UTRN: variants seen among roughly 807,000 people sequenced by gnomAD.
UTRN encodes the protein dystrophin-related protein 1.
UTRN carries 283 observed loss-of-function variants against 463.9 expected under a neutral mutation model. That is an observed-to-expected ratio of 0.61 (90% CI 0.55 to 0.67). The LOEUF (loss-of-function observed/expected upper bound fraction) is 0.67. Among genes scored for constraint, UTRN ranks in the 30% least tolerant of loss-of-function variants. The pLI, the probability that UTRN is intolerant of heterozygous loss-of-function variation, is 0.00. For missense variants in UTRN, 3,922 were observed against 4,084.3 expected (o/e 0.96, Z 1.08); for synonymous variants, 1,442 against 1,431.5 (o/e 1.01, Z -0.17).
In UTRN at chr6:144,823,650, T is replaced by C. The variant is rs552316363; in HGVS notation, c.9494+2632T>C. ...GAGTAAACAAATCCATGCTAAGGTT[T>C]ATTCGATTAATTTTATAACTATGCA... On this transcript the variant is annotated intron_variant, in intron 66 of 74. Transcript: ENST00000367545. Among the ~76,000 whole-genome samples, 33 of 152,284 alleles carry C rather than the reference T, an allele frequency of 2.2e-4. No homozygotes were observed. In the South Asian group the frequency reaches 6.8e-3, roughly 32 times the overall value.
chr6:144,370,135 G>A (rs1237823689), intron 2 of UTRN, among the ~76,000 whole-genome samples: 1 of 152,158 alleles, frequency 6.6e-6, no homozygotes, highest in Non-Finnish European at 1.5e-5. Flanking sequence ...GAACTTGGAG[G>A]GCTTCCCAGG....
At chr6:144,449,158 T>C (rs1333477421) in intron 17 of UTRN, among the ~76,000 whole-genome samples, 3 of 152,206 alleles carry the variant, frequency 2.0e-5, no homozygotes, top group African/African-American at 4.8e-5. Flanking sequence ...CAGTTTTTAT[T>C]GTCAGAAAGT....
chr6:144,529,956 C>G (rs940079723), intron 41 of UTRN, among the ~76,000 whole-genome samples: 1 of 152,138 alleles, frequency 6.6e-6, no homozygotes, highest in Admixed American at 6.5e-5. Context: ...ATAACAAGCA[C>G]TGGGTTTTAC....
At chr6:144,487,506 T>C (rs375283819) in intron 28 of UTRN, 42 bp from the exon 29 acceptor site, 1 of 1,547,144 alleles carries the variant, frequency 6.5e-7, no homozygotes, top group Non-Finnish European at 8.8e-7. Flanking sequence ...CCTTTTGCCT[T>C]AGTAAATGCA....
intron 50 of UTRN, among the ~76,000 whole-genome samples, chr6:144,557,562 A>G (rs1310071617): frequency 3.3e-5 from 5 of 152,066 alleles, no homozygotes; most frequent in Non-Finnish European, 5.9e-5. Context: ...AACCTTGCCA[A>G]TGATTATGTG....
At position 144,479,924 on chromosome 6, in the gene UTRN, A is replaced by G; in HGVS notation, c.3449A>G (p.Glu1150Gly). The G allele has an allele frequency of 1.9e-6, 3 of 1,614,164 alleles. No homozygotes were observed. In the East Asian group the frequency reaches 6.7e-5, roughly 36 times the overall value. Residue 1150 changes from glutamate (E) to glycine (G), a missense_variant, in exon 26 of 75, where the codon GAG (glutamate) becomes GGG (glycine). This residue lies in a region of UTRN where 2,349 missense variants were observed against 2,303.8 expected (regional missense o/e 1.02). Transcript: ENST00000367545. ...ACCCAGGCCGAGGAAGAATATTTGG[A>G]GCGGGATTTTGAGTACAAGTCACCA... ...WMTQAEEEYL[E>G]RDFEYKSPEE...
At chr6:144,635,530 C>CTTTTTTTTTTTTTTTTTTTTTTTTTTTTT (rs1562685915) in intron 51 of UTRN, among the ~76,000 whole-genome samples, 2 of 59,094 alleles carry the variant, frequency 3.4e-5, no homozygotes, top group Non-Finnish European at 6.6e-5. Context: ...TTTTTTTTTT[C>CTTTTTTTTTTTTTTTTTTTTTTTTTTTTT]TTTTCTTTTT....
intron 2 of UTRN, among the ~76,000 whole-genome samples, chr6:144,366,171 G>A (rs1394559323): frequency 2.0e-5 from 3 of 152,216 alleles, no homozygotes; most frequent in Non-Finnish European, 2.9e-5. Flanking sequence ...AAGCAGTACA[G>A]CTCATGTTTA....
chr6:144,356,575 C>T (rs546415044), intron 2 of UTRN, among the ~76,000 whole-genome samples: 13 of 152,226 alleles, frequency 8.5e-5, no homozygotes, highest in African/African-American at 2.6e-4. Flanking sequence ...CACTTTGGGA[C>T]GTTTAGGTGG....
chr6:144,421,695 AAATT>A (rs1240753208), intron 3 of UTRN, among the ~76,000 whole-genome samples, 179 bp from the exon 4 acceptor site: 1 of 150,440 alleles, frequency 6.6e-6, no homozygotes, highest in African/African-American at 2.5e-5. Flanking sequence ...TCTAAAAAAA[AAATT>A]AATTAATTAA....
chr6:144,744,630 T>TACAC (rs199802269), intron 54 of UTRN, among the ~76,000 whole-genome samples: 3 of 55,198 alleles, frequency 5.4e-5, no homozygotes, highest in South Asian at 7.7e-4. Context: ...CACACACACA[T>TACAC]ACACACACAC....
intron 65 of UTRN, among the ~76,000 whole-genome samples, chr6:144,817,168 T>C (rs1447854708): frequency 2.0e-5 from 3 of 152,144 alleles, no homozygotes; most frequent in African/African-American, 4.8e-5. Flanking sequence ...AAAAACCTGA[T>C]GATAATCTCC....
At chr6:144,453,370 C>G (rs1463054997) in intron 18 of UTRN, among the ~76,000 whole-genome samples, 3 of 152,080 alleles carry the variant, frequency 2.0e-5, no homozygotes, top group Non-Finnish European at 2.9e-5. Flanking sequence ...TGATCCACCC[C>G]CCTCAGCCTT....
In UTRN at chr6:144,341,084, A is replaced by G. The variant is rs1246532129; in HGVS notation, c.79+49177A>G. 2.0e-5 allele frequency among the ~76,000 whole-genome samples: 3 copies of G among 152,188 alleles called. No homozygotes were observed. The East Asian group carries it at 5.8e-4, about 29-fold the overall frequency. On this transcript the variant is annotated intron_variant, in intron 2 of 74. Coordinates refer to ENST00000367545, the MANE Select transcript of UTRN (RefSeq NM_007124.3). ...ATGAATGTTTTAGAAGTTTCCCACT[A>G]TGGAAAGTTCTATTTGACATATGAA...
intron 52 of UTRN, among the ~76,000 whole-genome samples, chr6:144,693,133 G>A (rs371973929): frequency 5.3e-5 from 8 of 152,078 alleles, no homozygotes; most frequent in African/African-American, 7.2e-5. Flanking sequence ...ACCCAGCAAC[G>A]TTTATTGAAT....
intron 51 of UTRN, among the ~76,000 whole-genome samples, chr6:144,645,844 G>T (rs533586788): frequency 6.6e-6 from 1 of 152,152 alleles, no homozygotes; most frequent in African/African-American, 2.4e-5. Context: ...TTGGCTGCTT[G>T]TAATGGGAGT....
chr6:144,664,031 A>T (rs1428726184), intron 51 of UTRN, among the ~76,000 whole-genome samples: 2 of 152,208 alleles, frequency 1.3e-5, no homozygotes, highest in Non-Finnish European at 2.9e-5. Flanking sequence ...AGACAAGGAC[A>T]TTTTCAATGA....
intron 58 of UTRN, among the ~76,000 whole-genome samples, chr6:144,768,615 G>T (rs558577493): frequency 6.6e-6 from 1 of 152,176 alleles, no homozygotes; most frequent in African/African-American, 2.4e-5. Flanking sequence ...ATGCTAAAAT[G>T]AATTTACCTC....
intron 50 of UTRN, among the ~76,000 whole-genome samples, chr6:144,566,655 A>G (rs1800429708): frequency 6.6e-6 from 1 of 152,140 alleles, no homozygotes; most frequent in Admixed American, 6.5e-5. Context: ...GTCAACCTCT[A>G]TATACAGTGC....
Sources: allele counts gnomAD v4.1 joint callset (sites outside exome capture counted in the v4.1 genomes callset), GRCh38; gene constraint gnomAD v4.1.1; regional missense constraint gnomAD v4.1.1; transcripts MANE v1.5; gene names NCBI Gene and HGNC (gene_info 2026-07-23, HGNC 2026-07-21).